LRP12: variants seen among roughly 807,000 people sequenced by gnomAD.
The protein encoded by LRP12 is low-density lipoprotein receptor-related protein 12.
A neutral mutation model predicts 66.0 loss-of-function variants in LRP12; 14 were observed. The observed-to-expected ratio is 0.21, with a 90% CI of 0.14 to 0.33. The LOEUF (loss-of-function observed/expected upper bound fraction) is 0.33, where lower values mean the gene tolerates loss of function less well. LRP12 is among the 10% of genes least tolerant of loss of function. The probability of loss-of-function intolerance (pLI) is 1.00; values close to 1 mark genes in which losing one functional copy is unlikely to be tolerated. For synonymous variants in LRP12, 357 were observed against 359.1 expected (o/e 0.99, Z 0.07); for missense variants, 889 against 1,053.4 (o/e 0.84, Z 2.16).
intron 1 of LRP12, among the ~76,000 whole-genome samples, chr8:104,548,303 TATATATTATATAAA>T (rs1564142090): frequency 6.2e-4 from 22 of 35,752 alleles, no homozygotes; most frequent in Non-Finnish European, 1.2e-4. Context: ...ATTTATATAA[TATATATTATATAAA>T]TATATAATAT....
intron 1 of LRP12, among the ~76,000 whole-genome samples, chr8:104,583,042 CCTTTATCTCCACTACTA>C (rs1812278915): frequency 6.6e-6 from 1 of 152,092 alleles, no homozygotes; most frequent in African/African-American, 2.4e-5. Flanking sequence ...AACCTACACT[CCTTTATCTCCACTACTA>C]CTACCTTGGT....
intron 1 of LRP12, among the ~76,000 whole-genome samples, chr8:104,582,632 A>T (rs937400899): frequency 3.9e-5 from 6 of 152,158 alleles, no homozygotes; most frequent in Admixed American, 3.3e-4. Context: ...TGACAAAATG[A>T]CTGCCCTCAG....
In LRP12 at chr8:104,491,184, C is replaced by T; in HGVS notation, c.2069G>A (p.Gly690Glu). 2 of 1,614,096 alleles carry T rather than the reference C, an allele frequency of 1.2e-6. No individual in the cohort carries two copies. The highest frequency in any genetic ancestry group is 8.5e-7 in the Non-Finnish European group (1 of 1,180,024). The change falls in exon 7 of 7, where the codon GGA becomes GAA. Residue 690 changes from glycine (G) to glutamate (E), a missense_variant. Gly to Glu is a moderately conservative substitution (Grantham distance 98). This residue lies in a region of LRP12 where 800 missense variants were observed against 964.5 expected (regional missense o/e 0.83). Transcript: ENST00000276654. ...PPTTAVEATV[G>E]ACASSSTQST... is the part of the protein sequence containing the mutation. ...CTGAGTTGAGGAACTTGCACATGCT[C>T]CTACTGTCGCTTCTACTGCCGTTGT...
Position 104,491,019 on chromosome 8 carries a change from C to T in LRP12, c.2234G>A (p.Gly745Glu), listed in dbSNP as rs751466206. ...QGLRWVRFTL[G>E]RSSSLSQNQS... ...GTTCTGACTTAGGGAACTTGATCGT[C>T]CTAATGTAAAACGTACCCAGCGTAG... Residue 745 changes from glycine (G) to glutamate (E), a missense_variant, in exon 7 of 7, where the codon GGA becomes GAA. Gly to Glu is a moderately conservative substitution (Grantham distance 98). This residue lies in a region of LRP12 where 800 missense variants were observed against 964.5 expected (regional missense o/e 0.83). Transcript: ENST00000276654. 3.1e-6 allele frequency: 5 copies of T among 1,613,982 alleles called. No individual in the cohort carries two copies. The highest frequency in any genetic ancestry group is 3.3e-5 in the Admixed American group (2 of 59,996).
In LRP12 at chr8:104,489,570, G is replaced by C. The variant is rs1334428172; in HGVS notation, c.*1103C>G. Reference sequence around the variant, plus strand: ...TTCTTAATTTTCTTTTGAGAGTGTAGCATGATCCCCCCCAGGAATAAAATA... The same window carrying C: ...TTCTTAATTTTCTTTTGAGAGTGTACCATGATCCCCCCCAGGAATAAAATA... On this transcript the variant is annotated 3_prime_UTR_variant, in exon 7 of 7. Transcript: ENST00000276654. 6.6e-6 allele frequency: 1 copy of C among 152,142 alleles called. No homozygotes were observed. The highest frequency in any genetic ancestry group is 1.5e-5 in the Non-Finnish European group (1 of 67,990). 9.4% of individuals were successfully genotyped at this position (152,142 alleles called of 1,614,324 possible).
intron 6 of LRP12, among the ~76,000 whole-genome samples, chr8:104,494,803 T>C (rs565223511): frequency 4.6e-5 from 7 of 152,294 alleles, no homozygotes; most frequent in Admixed American, 3.3e-4. Flanking sequence ...TAAAAAATAA[T>C]TTGCCAAGCT....
chr8:104,540,694 T>G (rs952413098), intron 1 of LRP12, among the ~76,000 whole-genome samples: 1 of 152,204 alleles, frequency 6.6e-6, no homozygotes, highest in Admixed American at 6.5e-5. Flanking sequence ...TTTATAACAT[T>G]ACTTTTAATG....
At chr8:104,523,884 T>C (rs934694176) in intron 2 of LRP12, among the ~76,000 whole-genome samples, 20 of 152,216 alleles carry the variant, frequency 1.3e-4, no homozygotes, top group Admixed American at 1.2e-3. Flanking sequence ...TACAGTAGCA[T>C]ACTGTAAATG....
intron 1 of LRP12, among the ~76,000 whole-genome samples, chr8:104,548,097 AT>A (rs1811630471): frequency 8.5e-6 from 1 of 117,844 alleles, no homozygotes; most frequent in Non-Finnish European, 1.6e-5. Context: ...TATTTTGTAT[AT>A]AATTCTGTTA....
chr8:104,562,606 T>C (rs1462696503), intron 1 of LRP12, among the ~76,000 whole-genome samples: 1 of 152,162 alleles, frequency 6.6e-6, no homozygotes, highest in Admixed American at 6.5e-5. Context: ...AACAGTTTCA[T>C]TTTTATATAT....
chr8:104,547,235 T>C (rs191040301), intron 1 of LRP12, among the ~76,000 whole-genome samples: 1,435 of 134,490 alleles, frequency 0.011, 21 homozygotes, highest in South Asian at 0.026. Context: ...ATATTTTGTA[T>C]ATAATATACA....
rs73295152 is a variant in LRP12 at position 104,544,083 on chromosome 8, T to G, written c.80-12120A>C. Among the ~76,000 whole-genome samples, 3 of 152,178 alleles carry G rather than the reference T, an allele frequency of 2.0e-5. No homozygotes were observed. The East Asian group carries it at 5.8e-4, about 29-fold the overall frequency. ...AGTGCAACTCCAGTGAAAACACAAA[T>G]GATAAGAAAGCAAAACAACCTTACT... On this transcript the variant is annotated intron_variant, in intron 1 of 6. Coordinates refer to ENST00000276654, the MANE Select transcript of LRP12 (RefSeq NM_013437.5).
chr8:104,539,662 A>T (rs1225359172), intron 1 of LRP12, among the ~76,000 whole-genome samples: 1 of 152,152 alleles, frequency 6.6e-6, no homozygotes, highest in Non-Finnish European at 1.5e-5. Flanking sequence ...AGTATCACAT[A>T]TACAAATTAT....
chr8:104,495,000 TCTTTG>T (rs1249806902), intron 6 of LRP12, 72 bp downstream of exon 6: 58 of 1,331,624 alleles, frequency 4.4e-5, no homozygotes, highest in Non-Finnish European at 5.5e-5. Context: ...CAGTCAAGGG[TCTTTG>T]CTTTATCATA....
At position 104,589,052 on chromosome 8, in the gene LRP12, G is replaced by T; in HGVS notation, c.-155C>A. The stretch of plus-strand genomic sequence containing the variant: ...GCGGCTGCGGGAGGGGGAAGGGAGG[G>T]GCCGCCGCCGCCCGCGCGCGCTCCC... On this transcript the variant is annotated 5_prime_UTR_variant, in exon 1 of 7. Coordinates refer to ENST00000276654, the MANE Select transcript of LRP12 (RefSeq NM_013437.5). 2 of 355,752 alleles carry T rather than the reference G, an allele frequency of 5.6e-6. No individual in the cohort carries two copies. Among genetic ancestry groups the T allele is most frequent in the Non-Finnish European group, 9.8e-6 (2 of 204,986 alleles). The allele number at this position is 355,752 out of a possible 1,614,324, so 22.0% of individuals were successfully genotyped here. A position where few individuals can be genotyped will look rare whatever the true frequency, so the allele number is the denominator to read the frequency against.
chr8:104,524,756 T>G (rs1364126072), intron 2 of LRP12, among the ~76,000 whole-genome samples: 2 of 152,178 alleles, frequency 1.3e-5, no homozygotes, highest in East Asian at 3.8e-4. Flanking sequence ...TTTTGCTTTT[T>G]TCTAAATGTT....
chr8:104,495,016 T>C (rs771166011), intron 6 of LRP12, 61 bp downstream of exon 6: 168 of 1,508,704 alleles, frequency 1.1e-4, no homozygotes, highest in Non-Finnish European at 1.4e-4. Context: ...CTTTATCATA[T>C]ATACAGGCGC....
intron 1 of LRP12, among the ~76,000 whole-genome samples, chr8:104,580,836 A>G (rs904243984): frequency 6.6e-6 from 1 of 152,202 alleles, no homozygotes; most frequent in African/African-American, 2.4e-5. Context: ...CTGTTGGGAG[A>G]AGTGTAATTA....
intron 1 of LRP12, among the ~76,000 whole-genome samples, chr8:104,532,588 G>C (rs1291590586): frequency 6.6e-6 from 1 of 152,006 alleles, no homozygotes; most frequent in African/African-American, 2.4e-5. Flanking sequence ...AGTTGGATCT[G>C]GCATCACAAC....
Sources: allele counts gnomAD v4.1 joint callset (sites outside exome capture counted in the v4.1 genomes callset), GRCh38; gene constraint gnomAD v4.1.1; regional missense constraint gnomAD v4.1.1; transcripts MANE v1.5; gene names NCBI Gene and HGNC (gene_info 2026-07-23, HGNC 2026-07-21).